The following ADAMTS10 variants were observed in gnomAD, a reference collection of about 807,000 sequenced individuals.
ADAMTS10 encodes ADAM metallopeptidase with thrombospondin type 1 motif 10, also known as A disintegrin and metalloproteinase with thrombospondin motifs 10.
In ADAMTS10, 48 loss-of-function variants were observed where a neutral mutation model predicts 135.9. The ratio of observed to expected loss-of-function variants is 0.35; its 90% CI spans 0.28 to 0.45. The LOEUF is 0.45. Ranked by LOEUF, ADAMTS10 falls within the 20% of genes least tolerant of loss-of-function variation. ADAMTS10 has a pLI of 1.00. For missense variants in ADAMTS10, 1,131 were observed against 1,565.2 expected (o/e 0.72, Z 4.68); for synonymous variants, 621 against 647.5 (o/e 0.96, Z 0.62).
intron 25 of ADAMTS10, among the ~76,000 whole-genome samples, chr19:8,584,633 A>G (rs1475525671): frequency 6.6e-6 from 1 of 152,204 alleles, no homozygotes; most frequent in Non-Finnish European, 1.5e-5. Context: ...GGTGGAGATG[A>G]ATAGGTACAG....
intron 6 of ADAMTS10, among the ~76,000 whole-genome samples, chr19:8,600,467 CTCTT>C (rs1555741177): frequency 1.5e-5 from 2 of 129,886 alleles, no homozygotes; most frequent in African/African-American, 2.8e-5. Flanking sequence ...TCTTTCTTTT[CTCTT>C]TCTTTCTGTC....
Position 8,605,460 on chromosome 19 carries a change from C to T in ADAMTS10, c.89-102G>A, listed in dbSNP as rs2146103482. ...AGCAAGTGATGCTGGCCTCACTGAC[C>T]CCCGAAATCCAGGGAGTTGGCTGCA... On this transcript the variant is annotated intron_variant, in intron 3 of 25. Transcript: ENST00000597188. The surrounding 1 kb of genome is among the most constrained non-coding windows in gnomAD (Gnocchi z 7.7). 3.4e-6 allele frequency: 5 copies of T among 1,469,680 alleles called. No individual in the cohort carries two copies. In the South Asian group the frequency reaches 3.7e-5, roughly 11 times the overall value. The allele number at this position is 1,469,680 out of a possible 1,614,324, so 91.0% of individuals were successfully genotyped here.
At position 8,596,732 on chromosome 19, in the gene ADAMTS10, C is replaced by CATGA. The variant is rs2042609929; in HGVS notation, c.1041-151_1041-148dup. On this transcript the variant is annotated intron_variant, in intron 8 of 25. Coordinates refer to ENST00000597188, the MANE Select transcript of ADAMTS10 (RefSeq NM_030957.4). This position sits in a 1 kb window ranked among gnomAD's most constrained non-coding sequence, Gnocchi z 7.2. ...AGCTGCATACAGGAGTGACTGACCACATGAATGAATGAATGCATGCATGCA... is the reference window on the plus strand; with the variant it reads ...AGCTGCATACAGGAGTGACTGACCACATGAATGAATGAATGAATGCATGCATGCA... 1.8e-6 allele frequency: 2 copies of CATGA among 1,102,976 alleles called. No homozygotes were observed. The highest frequency in any genetic ancestry group is 1.5e-5 in the South Asian group (1 of 68,066). The allele number at this position is 1,102,976 out of a possible 1,614,324, so 68.3% of individuals were successfully genotyped here.
At chr19:8,590,686 C>T in intron 15 of ADAMTS10, among the ~76,000 whole-genome samples, 1 of 152,294 alleles carries the variant, frequency 6.6e-6, no homozygotes, top group African/African-American at 2.4e-5. Flanking sequence ...TCTCGAACTC[C>T]TGACCTCAGG....
intron 6 of ADAMTS10, among the ~76,000 whole-genome samples, chr19:8,597,640 TTTG>T (rs1219235403): frequency 3.3e-5 from 5 of 151,388 alleles, no homozygotes; most frequent in Admixed American, 6.6e-5. Context: ...GTTGTTACTA[TTTG>T]TTGTTGTTGT....
chr19:8,595,652 C>A lies in ADAMTS10; in HGVS notation c.1479+110G>T, dbSNP rs75983914. 435 of 1,546,828 alleles carry A rather than the reference C, an allele frequency of 2.8e-4. 2 individuals are homozygous for A. In the East Asian group the frequency reaches 9.4e-3, roughly 33 times the overall value. On this transcript the variant is annotated intron_variant, in intron 12 of 25. Transcript: ENST00000597188. ...TGGGGGCTCACCTCACCCCCCTTCC[C>A]GGTTCTCCCACCCCCTCACTTCCCA...
intron 12 of ADAMTS10, chr19:8,593,546 C>T (rs1555739638): frequency 6.6e-6 from 1 of 152,530 alleles, no homozygotes; most frequent in East Asian, 1.9e-4. Flanking sequence ...GCCTCTCTTT[C>T]TCCAGGTGAA....
intron 1 of ADAMTS10, among the ~76,000 whole-genome samples, chr19:8,609,630 G>A (rs1284088685): frequency 6.6e-6 from 1 of 152,118 alleles, no homozygotes; most frequent in African/African-American, 2.4e-5. Context: ...TGCGGGAGGA[G>A]GGGGCCGGCG....
chr19:8,607,268 C>T (rs2042731107), intron 2 of ADAMTS10, among the ~76,000 whole-genome samples: 1 of 152,172 alleles, frequency 6.6e-6, no homozygotes, highest in Non-Finnish European at 1.5e-5. Context: ...CTTTCATATG[C>T]CCACCCACGC....
In ADAMTS10 at chr19:8,605,724, C is replaced by T; in HGVS notation, c.-14G>A. ...GGCGGGAGCCATAGAGGCCACGTGT[C>T]CACATGTCTCTCCCCAGCCCCGGCT... On this transcript the variant is annotated 5_prime_UTR_variant, in exon 3 of 26. It introduces an in-frame stop codon into an upstream open reading frame of the 5' UTR. Transcript: ENST00000597188. This position sits in a 1 kb window ranked among gnomAD's most constrained non-coding sequence, Gnocchi z 7.7. The T allele has an allele frequency of 5.6e-6, 9 of 1,600,032 alleles. No individual in the cohort carries two copies. Among genetic ancestry groups the T allele is most frequent in the Non-Finnish European group, 7.7e-6 (9 of 1,175,144 alleles).
chr19:8,594,559 C>T (rs1468593470), intron 12 of ADAMTS10, among the ~76,000 whole-genome samples: 1 of 152,216 alleles, frequency 6.6e-6, no homozygotes, highest in African/African-American at 2.4e-5. Context: ...CTCCTCCCCT[C>T]CCCTGCCCCT....
chr19:8,600,771 T>A (rs1274574749), intron 6 of ADAMTS10, among the ~76,000 whole-genome samples, 157 bp downstream of exon 6: 4 of 152,074 alleles, frequency 2.6e-5, no homozygotes, highest in Non-Finnish European at 5.9e-5. Flanking sequence ...GTGCTGGGAT[T>A]ACAGGTGTGA....
intron 12 of ADAMTS10, 87 bp from the exon 13 acceptor site, chr19:8,592,957 G>T: frequency 8.1e-7 from 1 of 1,236,312 alleles, no homozygotes; most frequent in Non-Finnish European, 1.1e-6. Context: ...CAGATGTCCG[G>T]CTCACTGCCG....
rs559032457 is a variant in ADAMTS10, at chr19:8,585,090, C to A, written c.3043-36G>T. ...GCACCACTCAGTTGCTGCCCCGCAGCCCCTGCCCTGGCCCCCACCCCTCTG... is the reference window on the plus strand; with the variant it reads ...GCACCACTCAGTTGCTGCCCCGCAGACCCTGCCCTGGCCCCCACCCCTCTG... On this transcript the variant is annotated intron_variant, in intron 24 of 25. Coordinates refer to ENST00000597188, the MANE Select transcript of ADAMTS10 (RefSeq NM_030957.4). 7.1e-4 allele frequency: 1,070 copies of A among 1,496,584 alleles called. 8 individuals are homozygous for A. The African/African-American group carries it at 0.013, about 18-fold the overall frequency. The allele number at this position is 1,496,584 out of a possible 1,614,324, so 92.7% of individuals were successfully genotyped here.
intron 4 of ADAMTS10, among the ~76,000 whole-genome samples, chr19:8,604,744 C>T (rs1555742166): frequency 6.6e-6 from 1 of 152,020 alleles, no homozygotes. Context: ...CCTCACCCTC[C>T]CAAAATGCCA....
intron 5 of ADAMTS10, among the ~76,000 whole-genome samples, chr19:8,603,475 T>C (rs984769596): frequency 6.6e-6 from 1 of 152,158 alleles, no homozygotes; most frequent in Admixed American, 6.5e-5. Context: ...GGTTTCGCCA[T>C]GTTGGTCAGG....
chr19:8,602,462 G>C (rs2042678262), intron 5 of ADAMTS10, among the ~76,000 whole-genome samples: 1 of 152,094 alleles, frequency 6.6e-6, no homozygotes, highest in Admixed American at 6.6e-5. Flanking sequence ...GGAATTACAG[G>C]TGTGTGCCAC....
Position 8,586,892 on chromosome 19 carries a change from G to A in ADAMTS10, c.2163C>T (p.Tyr721=), listed in dbSNP as rs141517207. Residue 721 remains tyrosine, a synonymous_variant, in exon 19 of 26, where the codon TAC becomes TAT. Transcript: ENST00000597188. ...CTTTGGGAATCCAGACGACATCCTC[G>A]TACCCTGAACAGCAGAGCTCAGATG... is the stretch of plus-strand genomic sequence containing the variant. The part of the protein sequence containing the change: ...VFSPASPGAG[Y]EDVVWIPKGS... 6.9e-5 allele frequency: 112 copies of A among 1,614,026 alleles called. No homozygotes were observed. The African/African-American group carries it at 1.4e-3, about 21-fold the overall frequency.
chr19:8,583,897 G>A (rs370933420), intron 25 of ADAMTS10, among the ~76,000 whole-genome samples: 9 of 151,840 alleles, frequency 5.9e-5, no homozygotes, highest in African/African-American at 2.2e-4. Context: ...GGTGGCTCAC[G>A]CCTTTAATCC....
Sources: allele counts gnomAD v4.1 joint callset (sites outside exome capture counted in the v4.1 genomes callset), GRCh38; gene constraint gnomAD v4.1.1; non-coding constraint Gnocchi (gnomAD v3.1); transcripts MANE v1.5; gene names NCBI Gene and HGNC (gene_info 2026-07-23, HGNC 2026-07-21).